The following PATL1 variants were observed in gnomAD, a reference collection of about 807,000 sequenced individuals.
PATL1 encodes the protein protein PAT1 homolog 1.
In PATL1, 32 loss-of-function variants were observed where a neutral mutation model predicts 100.6. That is an observed-to-expected ratio of 0.32 (90% CI 0.24 to 0.43). The LOEUF (loss-of-function observed/expected upper bound fraction) is 0.43. Among genes scored for constraint, PATL1 ranks in the 20% least tolerant of loss-of-function variants. The pLI is 1.00. For missense variants in PATL1, 747 were observed against 949.9 expected (o/e 0.79, Z 2.81); for synonymous variants, 332 against 330.0 (o/e 1.01, Z -0.07).
intron 14 of PATL1, among the ~76,000 whole-genome samples, chr11:59,648,400 G>A (rs1214252917): frequency 1.3e-5 from 2 of 150,508 alleles, no homozygotes; most frequent in African/African-American, 4.9e-5. Flanking sequence ...GGCCAGGTTG[G>A]TCTCTGAACT....
intron 5 of PATL1, 35 bp from the exon 6 acceptor site, chr11:59,656,635 T>C: frequency 6.3e-7 from 1 of 1,577,048 alleles, no homozygotes; most frequent in Non-Finnish European, 8.7e-7. Flanking sequence ...CTACACTCAA[T>C]GAAATCAGTT....
chr11:59,639,582 T>C (rs568154557), intron 16 of PATL1, 199 bp from the exon 17 acceptor site: 3 of 533,192 alleles, frequency 5.6e-6, no homozygotes, highest in East Asian at 3.2e-5. Context: ...TATTCTGCCA[T>C]AGCAGTGACC....
chr11:59,663,885 C>A (rs1861656282), intron 2 of PATL1, among the ~76,000 whole-genome samples: 1 of 152,162 alleles, frequency 6.6e-6, no homozygotes, highest in Non-Finnish European at 1.5e-5. Flanking sequence ...TTTAAACTCT[C>A]TATACCAGCT....
intron 12 of PATL1, among the ~76,000 whole-genome samples, chr11:59,651,269 T>C (rs921123044): frequency 1.3e-5 from 2 of 152,088 alleles, no homozygotes; most frequent in African/African-American, 4.8e-5. Flanking sequence ...AAAATGATAA[T>C]TTTTTTAACA....
intron 15 of PATL1, among the ~76,000 whole-genome samples, chr11:59,643,473 G>A (rs1861315752): frequency 6.6e-6 from 1 of 151,728 alleles, no homozygotes; most frequent in Admixed American, 6.6e-5. Context: ...ATAGGTTAAA[G>A]GCCAAGCAGA....
chr11:59,668,320 G>T (rs1482872786), intron 1 of PATL1, among the ~76,000 whole-genome samples: 1 of 152,124 alleles, frequency 6.6e-6, no homozygotes, highest in Non-Finnish European at 1.5e-5. Context: ...CACTAGCCCA[G>T]AAGGAACTTC....
At position 59,659,444 on chromosome 11, in the gene PATL1, C is replaced by T. The variant is rs1193156174; in HGVS notation, c.153G>A (p.Glu51=). 1.4e-5 allele frequency: 22 copies of T among 1,550,572 alleles called. No individual in the cohort carries two copies. The highest frequency in any genetic ancestry group is 1.7e-5 in the Non-Finnish European group (20 of 1,146,928). The change falls in exon 3 of 19, where the codon GAG becomes GAA. Residue 51 remains glutamate, a synonymous_variant. Transcript: ENST00000300146. ...GCTTTTCTTCCAATTCAGCCAGGCG[C>T]TCATGTGCTTCCTGCCAATCATCAT... ...AVDDDWQEAH[E]RLAELEEKLP...
intron 2 of PATL1, among the ~76,000 whole-genome samples, chr11:59,663,630 C>A (rs568278563): frequency 6.6e-6 from 1 of 152,130 alleles, no homozygotes; most frequent in South Asian, 2.1e-4. Context: ...TAATAAGCAC[C>A]ATGTTAAGTG....
chr11:59,652,492 C>T lies in PATL1; in HGVS notation c.1398G>A (p.Val466=). 1 of 1,613,324 alleles carries T rather than the reference C, an allele frequency of 6.2e-7. No individual in the cohort carries two copies. The highest frequency in any genetic ancestry group is 8.5e-7 in the Non-Finnish European group (1 of 1,179,630). ...KERTKLITPQ[V]AKLEHAYKPV... ...GCTTATAGGCGTGCTCCAGTTTGGC[C>T]ACCTGAGGGGTGATAAGCTTGGTGC... is the stretch of plus-strand genomic sequence containing the variant. Residue 466 remains valine, a synonymous_variant, in exon 11 of 19, where the codon GTG becomes GTA. Coordinates refer to ENST00000300146, the MANE Select transcript of PATL1 (RefSeq NM_152716.3).
At position 59,640,675 on chromosome 11, in the gene PATL1, G is replaced by A. The variant is rs188223315; in HGVS notation, c.2050-1292C>T. 2.4e-3 allele frequency among the ~76,000 whole-genome samples: 365 copies of A among 151,556 alleles called. 1 individual carries two copies. The highest frequency in any genetic ancestry group is 4.2e-3 in the Non-Finnish European group (284 of 67,920). The stretch of plus-strand genomic sequence containing the variant: ...GCGGAGCTTGCAGTGAGCTGCGATC[G>A]CGCCACTGCACTCCAGCCTGGGTGA... On this transcript the variant is annotated intron_variant, in intron 16 of 18. Transcript: ENST00000300146.
At chr11:59,652,763 C>T (rs1861464771) in intron 10 of PATL1, 75 bp downstream of exon 10, 1 of 1,506,924 alleles carries the variant, frequency 6.6e-7, no homozygotes, top group African/African-American at 1.4e-5. Flanking sequence ...TTTAATTGTA[C>T]CAATATTTAA....
rs773404570 is a variant in PATL1 at position 59,656,499 on chromosome 11, C to T, written c.723G>A (p.Pro241=). 3 of 1,611,796 alleles carry T rather than the reference C, an allele frequency of 1.9e-6. No homozygotes were observed. The highest frequency in any genetic ancestry group is 2.5e-6 in the Non-Finnish European group (3 of 1,178,192). ...TTTTGTTAGGCTTAAAGTGACATACCGGGACACTGCAGAGCTGGTTTGGAG... is the reference window on the plus strand; with the variant it reads ...TTTTGTTAGGCTTAAAGTGACATACTGGGACACTGCAGAGCTGGTTTGGAG... ...RMSPNQLCSV[P]NSSLLGHPFP... is the part of the protein sequence containing the mutation. Residue 241 remains proline (P), a splice_region_variant and synonymous_variant, in exon 6 of 19, where the codon CCG becomes CCA. Transcript: ENST00000300146.
chr11:59,649,892 T>C (rs1187344934), intron 13 of PATL1, among the ~76,000 whole-genome samples: 1 of 151,984 alleles, frequency 6.6e-6, no homozygotes, highest in Non-Finnish European at 1.5e-5. Context: ...GAGGCTGAGA[T>C]GGGCGGATCA....
chr11:59,668,755 C>T, intron 1 of PATL1, 126 bp downstream of exon 1: 1 of 524,642 alleles, frequency 1.9e-6, no homozygotes, highest in Non-Finnish European at 3.5e-6. Context: ...TCGCGTCCAG[C>T]TAAGTCCTGC....
intron 4 of PATL1, among the ~76,000 whole-genome samples, chr11:59,658,252 C>T (rs1240209485): frequency 6.6e-6 from 1 of 151,948 alleles, no homozygotes; most frequent in Non-Finnish European, 1.5e-5. Flanking sequence ...TAGTTAACGC[C>T]TCCTGCCATG....
intron 2 of PATL1, 145 bp downstream of exon 2, chr11:59,666,708 G>C (rs1285202049): frequency 2.4e-6 from 2 of 838,638 alleles, no homozygotes; most frequent in Non-Finnish European, 3.4e-6. Flanking sequence ...AGTGAAGAAT[G>C]AACTATTCTA....
chr11:59,655,189 TATG>T (rs1371347571), intron 8 of PATL1, among the ~76,000 whole-genome samples: 2 of 152,202 alleles, frequency 1.3e-5, no homozygotes, highest in South Asian at 2.1e-4. Flanking sequence ...ACTGCCACAA[TATG>T]ATATGTAATA....
intron 9 of PATL1, among the ~76,000 whole-genome samples, chr11:59,653,541 T>C (rs1162960904): frequency 1.3e-5 from 2 of 151,938 alleles, no homozygotes; most frequent in Admixed American, 6.6e-5. Flanking sequence ...TAGAAAAAAA[T>C]GTATTTGGTT....
intron 16 of PATL1, among the ~76,000 whole-genome samples, chr11:59,640,847 T>C (rs1009559974): frequency 1.1e-4 from 17 of 151,820 alleles, no homozygotes; most frequent in South Asian, 4.2e-4. Context: ...CAGAGCAACA[T>C]AGTGAGACCC....
Sources: allele counts gnomAD v4.1 joint callset (sites outside exome capture counted in the v4.1 genomes callset), GRCh38; gene constraint gnomAD v4.1.1; transcripts MANE v1.5; gene names NCBI Gene and HGNC (gene_info 2026-07-23, HGNC 2026-07-21).